The following SUMF1 variants were observed in gnomAD, a reference collection of about 807,000 sequenced individuals.
SUMF1 encodes formylglycine-generating enzyme.
In SUMF1, 48 loss-of-function variants were observed where a neutral mutation model predicts 47.6. The ratio of observed to expected loss-of-function variants is 1.01; its 90% CI spans 0.80 to 1.28. The LOEUF (loss-of-function observed/expected upper bound fraction) is 1.28, where lower values mean the gene tolerates loss of function less well. Ranked by LOEUF, SUMF1 falls within the 50% of genes most tolerant of loss-of-function variation. SUMF1 has a pLI of 0.00. For missense variants in SUMF1, 571 were observed against 485.4 expected, an observed-to-expected ratio of 1.18 and a Z score of -1.66; for synonymous variants, 230 against 192.1, an observed-to-expected ratio of 1.20 and a Z score of -1.63.
rs149176619 is a variant in SUMF1, at chr3:4,077,459, T to C, written c.1015-8714A>G. On this transcript the variant is annotated intron_variant and NMD_transcript_variant, in intron 8 of 12. Transcript: ENST00000448413. ...AAGAAAATGTGGCACATACACACCA[T>C]GGAATACTATGCAGCCATGAAAAAG... Among the ~76,000 whole-genome samples, 247 of 152,202 alleles carry C rather than the reference T, an allele frequency of 1.6e-3. 4 individuals are homozygous for C. The highest frequency in any genetic ancestry group is 5.6e-3 in the African/African-American group (233 of 41,484).
intron 8 of SUMF1, among the ~76,000 whole-genome samples, chr3:4,162,506 C>A (rs1574939665): frequency 6.6e-6 from 1 of 152,110 alleles, no homozygotes; most frequent in East Asian, 1.9e-4. Context: ...ATGGGTAATG[C>A]CCCTCTTGCT....
At chr3:4,371,619 T>C (rs1362145073) in intron 8 of SUMF1, among the ~76,000 whole-genome samples, 1 of 152,226 alleles carries the variant, frequency 6.6e-6, no homozygotes, top group Admixed American at 6.5e-5. Flanking sequence ...GGTGAGGATT[T>C]CCTTAATGTT....
intron 9 of SUMF1, among the ~76,000 whole-genome samples, chr3:4,044,081 C>T (rs574246335): frequency 6.6e-6 from 1 of 152,246 alleles, no homozygotes; most frequent in East Asian, 1.9e-4. Context: ...AGACCATGAG[C>T]TCAGAGGTTA....
At chr3:4,288,880 TG>T (rs1236670408) in intron 8 of SUMF1, among the ~76,000 whole-genome samples, 1 of 152,162 alleles carries the variant, frequency 6.6e-6, no homozygotes, top group Non-Finnish European at 1.5e-5. Flanking sequence ...CAAAGGAAGA[TG>T]GTTTCGGAAC....
At chr3:4,180,663 G>A (rs532692774) in intron 8 of SUMF1, among the ~76,000 whole-genome samples, 2 of 32,910 alleles carry the variant, frequency 6.1e-5, no homozygotes, top group Admixed American at 7.0e-4. Context: ...TGCACATTGT[G>A]CACATGTACC....
chr3:4,222,489 C>T (rs1184299202), intron 8 of SUMF1, among the ~76,000 whole-genome samples: 3 of 152,046 alleles, frequency 2.0e-5, no homozygotes, highest in Non-Finnish European at 4.4e-5. Flanking sequence ...TCCATTCAAT[C>T]GCTGGTACCC....
At chr3:4,123,995 C>T (rs183434942) in intron 8 of SUMF1, among the ~76,000 whole-genome samples, 2 of 152,230 alleles carry the variant, frequency 1.3e-5, no homozygotes, top group African/African-American at 4.8e-5. Flanking sequence ...TCAGATTCAG[C>T]TCCTTTTCTA....
chr3:4,185,137 T>A (rs577043769), intron 8 of SUMF1, among the ~76,000 whole-genome samples: 1 of 152,222 alleles, frequency 6.6e-6, no homozygotes, highest in East Asian at 1.9e-4. Context: ...CATCTTCTCA[T>A]GTCTATGAAT....
intron 8 of SUMF1, among the ~76,000 whole-genome samples, chr3:4,157,527 C>A (rs1224154703): frequency 6.6e-6 from 1 of 151,422 alleles, no homozygotes; most frequent in Non-Finnish European, 1.5e-5. Flanking sequence ...ATATTTTACC[C>A]TCAGGATCAC....
chr3:4,195,463 TTCC>T (rs1695408304), intron 8 of SUMF1, among the ~76,000 whole-genome samples: 1 of 152,150 alleles, frequency 6.6e-6, no homozygotes, highest in South Asian at 2.1e-4. Context: ...AGCCCTGATA[TTCC>T]TCCTACAAAA....
chr3:4,395,195 C>A (rs532930036), intron 7 of SUMF1, among the ~76,000 whole-genome samples: 1 of 152,284 alleles, frequency 6.6e-6, no homozygotes, highest in East Asian at 1.9e-4. Context: ...GAGTCAAAGT[C>A]CATCACACTG....
chr3:4,251,838 G>C (rs183504138), intron 8 of SUMF1, among the ~76,000 whole-genome samples: 25 of 152,272 alleles, frequency 1.6e-4, no homozygotes, highest in African/African-American at 4.6e-4. Context: ...CTCACTGAAG[G>C]CTCAGTTAAT....
chr3:4,044,414 T>C (rs1694969411), intron 9 of SUMF1, among the ~76,000 whole-genome samples: 1 of 152,174 alleles, frequency 6.6e-6, no homozygotes, highest in Non-Finnish European at 1.5e-5. Context: ...TACTAACACA[T>C]TGAAATGGTT....
chr3:4,413,534 C>T (rs17040653), intron 6 of SUMF1, among the ~76,000 whole-genome samples: 3,362 of 152,062 alleles, frequency 0.022, 103 homozygotes, highest in African/African-American at 0.077. Flanking sequence ...TAACTGCCTG[C>T]TATTAAACCA....
rs193218648 is a variant in SUMF1, at chr3:4,207,135, A to C, written c.1015-138390T>G. Among the ~76,000 whole-genome samples the C allele has an allele frequency of 2.1e-3, 323 of 151,984 alleles. 6 individuals are homozygous for C. Among genetic ancestry groups the C allele is most frequent in the Non-Finnish European group, 3.8e-4 (26 of 67,910 alleles). ...TAGTAAATGATATTATCTTAATTTT[A>C]TTTTTAGATTGTTGATTGCTAATAA... On this transcript the variant is annotated intron_variant and NMD_transcript_variant, in intron 8 of 12. Transcript: ENST00000448413.
intron 8 of SUMF1, among the ~76,000 whole-genome samples, chr3:4,260,176 G>T (rs1264783349): frequency 2.0e-5 from 3 of 152,122 alleles, no homozygotes; most frequent in African/African-American, 7.2e-5. Flanking sequence ...GTCATAAAGG[G>T]AATAGAAGAG....
In SUMF1 at chr3:4,184,327, G is replaced by T. The variant is rs536853867; in HGVS notation, c.1015-115582C>A. Among the ~76,000 whole-genome samples, 147 of 151,742 alleles carry T rather than the reference G, an allele frequency of 9.7e-4. 1 individual carries two copies. The highest frequency in any genetic ancestry group is 3.4e-3 in the Middle Eastern group (1 of 294). On this transcript the variant is annotated intron_variant and NMD_transcript_variant, in intron 8 of 12. Transcript: ENST00000448413. ...AAAAATTAGCCGGGCATGGTGTTGT[G>T]CGCCTGTAATCCTAGCTACTCCAGG...
chr3:4,115,685 A>T (rs1157725185), intron 8 of SUMF1, among the ~76,000 whole-genome samples: 1 of 139,022 alleles, frequency 7.2e-6, no homozygotes, highest in Non-Finnish European at 1.6e-5. Context: ...CAGACTGATT[A>T]TTTATTTCCT....
At chr3:4,213,879 A>C (rs1695857291) in intron 8 of SUMF1, among the ~76,000 whole-genome samples, 3 of 152,186 alleles carry the variant, frequency 2.0e-5, no homozygotes, top group Admixed American at 1.3e-4. Context: ...ATATATATGC[A>C]CCCAATACAG....
Sources: gnomAD v4.1 joint callset for allele counts (sites outside exome capture counted in the v4.1 genomes callset) on GRCh38, gnomAD v4.1.1 for gene constraint, MANE v1.5 for transcripts, NCBI Gene and HGNC (gene_info 2026-07-23, HGNC 2026-07-21) for gene names.